TAOK1: variants seen among roughly 807,000 people sequenced by gnomAD.
TAOK1 encodes the protein TAO kinase 1, also known as serine/threonine-protein kinase TAO1.
Under a neutral mutation model 138.3 loss-of-function variants are expected in TAOK1, and 21 were observed. The ratio of observed to expected loss-of-function variants is 0.15; its 90% CI spans 0.11 to 0.22. The LOEUF is 0.22. Ranked by LOEUF, TAOK1 falls within the 10% of genes least tolerant of loss-of-function variation. The pLI is 1.00. For synonymous variants in TAOK1, 361 were observed against 398.4 expected, an observed-to-expected ratio of 0.91 and a Z score of 1.12; for missense variants, 651 against 1,227.7, an observed-to-expected ratio of 0.53 and a Z score of 7.02.
chr17:29,526,256 G>A lies in TAOK1; in HGVS notation c.2148+3737G>A, dbSNP rs144438433. 2.6e-3 allele frequency among the ~76,000 whole-genome samples: 398 copies of A among 152,098 alleles called. 2 individuals are homozygous for A. Among genetic ancestry groups the A allele is most frequent in the Middle Eastern group, 0.01 (3 of 294 alleles). ...GCCAAGATCGCGCCATTCCACTCCA[G>A]CCTGGGCAACAAGGGCAAAACTCCA... On this transcript the variant is annotated intron_variant, in intron 17 of 19. Coordinates refer to ENST00000261716, the MANE Select transcript of TAOK1 (RefSeq NM_020791.4).
At chr17:29,433,887 CAG>C (rs151086453) in intron 1 of TAOK1, among the ~76,000 whole-genome samples, 5,335 of 152,174 alleles carry the variant, frequency 0.035, 286 homozygotes, top group African/African-American at 0.12. Context: ...TTCCTGCTGA[CAG>C]GGGCCTGTTT....
chr17:29,523,887 G>A (rs895448165), intron 17 of TAOK1, among the ~76,000 whole-genome samples: 1 of 152,036 alleles, frequency 6.6e-6, no homozygotes, highest in Non-Finnish European at 1.5e-5. Flanking sequence ...CTATAAAATG[G>A]TTCTTGGTTT....
chr17:29,412,948 G>T (rs1358159795), intron 1 of TAOK1, among the ~76,000 whole-genome samples: 1 of 152,142 alleles, frequency 6.6e-6, no homozygotes, highest in African/African-American at 2.4e-5. Flanking sequence ...GTACAAATTT[G>T]GTATGAATAT....
At chr17:29,417,569 C>A (rs1905299055) in intron 1 of TAOK1, among the ~76,000 whole-genome samples, 1 of 152,178 alleles carries the variant, frequency 6.6e-6, no homozygotes, top group Non-Finnish European at 1.5e-5. Context: ...GCCTCAGGCC[C>A]ATGGAACAGC....
chr17:29,395,677 G>A, intron 1 of TAOK1, among the ~76,000 whole-genome samples: 1 of 138,448 alleles, frequency 7.2e-6, no homozygotes, highest in Non-Finnish European at 1.5e-5. Context: ...TTGAATTTGA[G>A]ACAGGGTTTT....
chr17:29,494,199 G>A (rs548369641), intron 10 of TAOK1, among the ~76,000 whole-genome samples: 47 of 152,136 alleles, frequency 3.1e-4, no homozygotes, highest in African/African-American at 6.3e-4. Context: ...AAGCCACTGC[G>A]CCCAGCTAAA....
chr17:29,519,056 A>C (rs925255663), intron 16 of TAOK1, among the ~76,000 whole-genome samples: 2 of 152,116 alleles, frequency 1.3e-5, no homozygotes, highest in Non-Finnish European at 2.9e-5. Flanking sequence ...TGTGAGCCAC[A>C]GTGGCCAGCC....
intron 2 of TAOK1, among the ~76,000 whole-genome samples, chr17:29,460,480 A>C (rs553270698): frequency 6.6e-6 from 1 of 152,248 alleles, no homozygotes; most frequent in Non-Finnish European, 1.5e-5. Context: ...ATGAGCCACC[A>C]CACCCGGCCT....
At position 29,549,755 on chromosome 17, in the gene TAOK1, TGTTG is replaced by T. The variant is rs1399778641; in HGVS notation, c.*6735_*6738del. The stretch of plus-strand genomic sequence containing the variant: ...CAAGTTTATATATAACTTACCAAGA[TGTTG>T]GCTGTCCTGGTGTATTGCCAGACAG... On this transcript the variant is annotated 3_prime_UTR_variant, in exon 20 of 20. Coordinates refer to ENST00000261716, the MANE Select transcript of TAOK1 (RefSeq NM_020791.4). The T allele has an allele frequency of 2.6e-5, 4 of 152,192 alleles. No homozygotes were observed. Among genetic ancestry groups the T allele is most frequent in the Non-Finnish European group, 5.9e-5 (4 of 68,032 alleles). 9.4% of individuals were successfully genotyped at this position (152,192 alleles called of 1,614,324 possible).
At chr17:29,458,525 T>C (rs886684194) in intron 2 of TAOK1, among the ~76,000 whole-genome samples, 1 of 152,220 alleles carries the variant, frequency 6.6e-6, no homozygotes, top group Non-Finnish European at 1.5e-5. Flanking sequence ...TGAGACGAAG[T>C]CTCGCTCTCT....
In TAOK1 at chr17:29,413,082, GAGACTC is replaced by G. The variant is rs371854354; in HGVS notation, c.-95+22062_-95+22067del. ...ATGTCATTTTACGGATGAGACAACT[GAGACTC>G]AGAATTAAGACACAAGAGGAATGGC... On this transcript the variant is annotated intron_variant, in intron 1 of 19. Coordinates refer to ENST00000261716, the MANE Select transcript of TAOK1 (RefSeq NM_020791.4). 1.4e-3 allele frequency among the ~76,000 whole-genome samples: 210 copies of G among 152,216 alleles called. 1 individual carries two copies. The highest frequency in any genetic ancestry group is 4.9e-3 in the African/African-American group (205 of 41,532).
At chr17:29,517,354 A>G (rs939346778) in intron 15 of TAOK1, 99 bp from the exon 16 acceptor site, 25 of 1,114,950 alleles carry the variant, frequency 2.2e-5, no homozygotes, top group African/African-American at 7.8e-5. Context: ...TCCTGACCTC[A>G]GGTGATCTGC....
At chr17:29,420,370 A>G (rs1264900524) in intron 1 of TAOK1, among the ~76,000 whole-genome samples, 2 of 152,174 alleles carry the variant, frequency 1.3e-5, no homozygotes, top group Admixed American at 6.6e-5. Context: ...GTATTCTGCA[A>G]CCTTGATAAA....
intron 1 of TAOK1, among the ~76,000 whole-genome samples, chr17:29,433,405 A>G (rs1361079511): frequency 1.3e-5 from 2 of 150,400 alleles, no homozygotes; most frequent in East Asian, 3.9e-4. Flanking sequence ...ATCCTGGGTG[A>G]CAGAGCTAGA....
intron 2 of TAOK1, among the ~76,000 whole-genome samples, chr17:29,456,488 G>T (rs2030380731): frequency 6.7e-6 from 1 of 150,348 alleles, no homozygotes; most frequent in Non-Finnish European, 1.5e-5. Context: ...ATTTTCTTGA[G>T]TTAGTTTAGT....
intron 17 of TAOK1, among the ~76,000 whole-genome samples, chr17:29,526,015 C>A (rs897581194): frequency 6.6e-6 from 1 of 152,008 alleles, no homozygotes; most frequent in African/African-American, 2.4e-5. Flanking sequence ...AAATAATGTC[C>A]GGGCGTGGTG....
chr17:29,494,750 C>T (rs540548549), intron 10 of TAOK1, among the ~76,000 whole-genome samples: 7 of 144,524 alleles, frequency 4.8e-5, no homozygotes, highest in African/African-American at 1.0e-4. Context: ...GGTGTGAACC[C>T]GGGAGGCAGA....
intron 1 of TAOK1, among the ~76,000 whole-genome samples, chr17:29,431,675 T>C (rs574140076): frequency 6.6e-6 from 1 of 152,144 alleles, no homozygotes; most frequent in African/African-American, 2.4e-5. Flanking sequence ...GTTTTGCTCT[T>C]GTCACCCAGG....
At chr17:29,444,313 T>C (rs1836184455) in intron 1 of TAOK1, among the ~76,000 whole-genome samples, 1 of 152,202 alleles carries the variant, frequency 6.6e-6, no homozygotes, top group South Asian at 2.1e-4. Flanking sequence ...TATGTTAGTT[T>C]ACATTGACAG....
Sources: gnomAD v4.1 joint callset for allele counts (sites outside exome capture counted in the v4.1 genomes callset) on GRCh38, gnomAD v4.1.1 for gene constraint, MANE v1.5 for transcripts, NCBI Gene and HGNC (gene_info 2026-07-23, HGNC 2026-07-21) for gene names.